The following HDHD5 variants were observed in gnomAD, a reference collection of about 807,000 sequenced individuals.
HDHD5 encodes haloacid dehalogenase like hydrolase domain containing 5.
HDHD5 carries 34 observed loss-of-function variants against 35.5 expected under a neutral mutation model. The ratio of observed to expected loss-of-function variants is 0.96; its 90% CI spans 0.73 to 1.28. The LOEUF is 1.28. Ranked by LOEUF, HDHD5 falls within the 50% of genes most tolerant of loss-of-function variation. The probability of loss-of-function intolerance (pLI) is 0.00; values close to 1 mark genes in which losing one functional copy is unlikely to be tolerated. For missense variants in HDHD5, 589 were observed against 560.2 expected, an observed-to-expected ratio of 1.05 and a Z score of -0.52; for synonymous variants, 248 against 240.6, an observed-to-expected ratio of 1.03 and a Z score of -0.29.
chr22:17,159,177 C>G lies in HDHD5; in HGVS notation c.75G>C (p.Ala25=). 8.2e-7 allele frequency: 1 copy of G among 1,214,816 alleles called. No homozygotes were observed. Among genetic ancestry groups the G allele is most frequent in the Non-Finnish European group, 1.0e-6 (1 of 975,792 alleles). 75.3% of individuals were successfully genotyped at this position (1,214,816 alleles called of 1,614,324 possible). ...GLCWRAARAA[A]GLQGRPARRC... is the part of the protein sequence containing the mutation. ...TGCGGGCGGGGCGGCCCTGGAGCCCCGCAGCCGCGCGCGCCGCCCGCCAGC... is the reference window on the plus strand; with the variant it reads ...TGCGGGCGGGGCGGCCCTGGAGCCCGGCAGCCGCGCGCGCCGCCCGCCAGC... Residue 25 remains alanine, a synonymous_variant, in exon 1 of 8, where the codon GCG becomes GCC. Coordinates refer to ENST00000336737, the MANE Select transcript of HDHD5 (RefSeq NM_033070.3).
intron 1 of HDHD5, among the ~76,000 whole-genome samples, chr22:17,153,141 C>T (rs543217131): frequency 6.6e-6 from 1 of 152,334 alleles, no homozygotes; most frequent in East Asian, 1.9e-4. Context: ...GTCCCAAGCA[C>T]TCAGCCAGAC....
upstream of HDHD5, among the ~76,000 whole-genome samples, chr22:17,160,083 G>T (rs1431249544): frequency 1.1e-4 from 16 of 152,202 alleles, no homozygotes; most frequent in Middle Eastern, 3.2e-3. Flanking sequence ...CATTCCCACC[G>T]TTTGAAATGT....
At chr22:17,149,934 T>A (rs2061707982) in intron 1 of HDHD5, among the ~76,000 whole-genome samples, 189 bp from the exon 2 acceptor site, 1 of 152,140 alleles carries the variant, frequency 6.6e-6, no homozygotes, top group South Asian at 2.1e-4. Flanking sequence ...AAAGAAAATA[T>A]AATCCCAACA....
rs190413708 is a variant in HDHD5 at position 17,143,123 on chromosome 22, C to T, written c.546G>A (p.Pro182=). Residue 182 remains proline, a synonymous_variant, in exon 5 of 8, where the codon CCG becomes CCA. Transcript: ENST00000336737. ...LERRLKTTPL[P]RNDFPRIEGV... ...CTTCAATGCGGGGGAAGTCATTCCT[C>T]GGGAGGGGCTGCAGAGAGACAAAGG... 8 of 1,609,200 alleles carry T rather than the reference C, an allele frequency of 5.0e-6. No individual in the cohort carries two copies. The highest frequency in any genetic ancestry group is 1.7e-5 in the Admixed American group (1 of 59,078).
rs766181538 is a variant in HDHD5 at position 17,149,658 on chromosome 22, G to C, written c.214C>G (p.Arg72Gly). Residue 72 changes from arginine to glycine, a missense_variant, in exon 2 of 8, where the codon CGA (arginine) becomes GGA (glycine). Arg to Gly is a moderately radical substitution (Grantham distance 125, BLOSUM62 -2). Coordinates refer to ENST00000336737, the MANE Select transcript of HDHD5 (RefSeq NM_033070.3). Reference protein sequence around the residue: ...RVIPAALKAFRRLVNSQGQLR... With the variant: ...RVIPAALKAFGRLVNSQGQLR... ...TGCCCCTGGGAGTTCACCAGCCTTC[G>C]GAAGGCTTTCAGAGCAGCAGGGATC... 1 of 1,613,708 alleles carries C rather than the reference G, an allele frequency of 6.2e-7. No individual in the cohort carries two copies. The highest frequency in any genetic ancestry group is 1.3e-5 in the African/African-American group (1 of 74,918).
intron 6 of HDHD5, 45 bp from the exon 7 acceptor site, chr22:17,138,783 G>A (rs745710664): frequency 1.2e-6 from 2 of 1,608,154 alleles, no homozygotes; most frequent in South Asian, 2.2e-5. Context: ...CTGATCTCCA[G>A]GCTCTTCTAG....
upstream of HDHD5, among the ~76,000 whole-genome samples, chr22:17,161,109 C>T (rs1302781877): frequency 2.0e-5 from 3 of 151,044 alleles, no homozygotes; most frequent in African/African-American, 7.3e-5. Context: ...CAAAAATTAG[C>T]TCGTCATGCA....
chr22:17,160,941 G>GT (rs34347930), upstream of HDHD5, among the ~76,000 whole-genome samples: 5 of 151,338 alleles, frequency 3.3e-5, no homozygotes, highest in Admixed American at 1.3e-4. Flanking sequence ...CATGCCCACA[G>GT]TTTTTTTTGA....
intron 6 of HDHD5, among the ~76,000 whole-genome samples, chr22:17,139,286 G>C (rs1238459032): frequency 6.6e-6 from 1 of 152,180 alleles, no homozygotes; most frequent in Admixed American, 6.5e-5. Context: ...TTAGCACTTT[G>C]GGAGGCCAAG....
chr22:17,140,574 G>A (rs1467224653), intron 6 of HDHD5, among the ~76,000 whole-genome samples: 1 of 152,060 alleles, frequency 6.6e-6, no homozygotes, highest in Non-Finnish European at 1.5e-5. Flanking sequence ...GAGAGAGTGA[G>A]ACACTGTCCC....
At chr22:17,149,430 T>G in intron 2 of HDHD5, 112 bp downstream of exon 2, 1 of 968,138 alleles carries the variant, frequency 1.0e-6, no homozygotes, top group Non-Finnish European at 1.6e-6. Context: ...GGCCATGACC[T>G]AGGACTAGGT....
chr22:17,152,101 T>C (rs2061733300), intron 1 of HDHD5, among the ~76,000 whole-genome samples: 1 of 152,052 alleles, frequency 6.6e-6, no homozygotes, highest in Non-Finnish European at 1.5e-5. Context: ...ACAGGGAGCC[T>C]TGCACTAAGA....
intron 1 of HDHD5, among the ~76,000 whole-genome samples, chr22:17,157,409 G>T (rs867008179): frequency 8.6e-5 from 13 of 151,944 alleles, no homozygotes; most frequent in South Asian, 2.1e-4. Flanking sequence ...GGGATTACAA[G>T]TAATAGATCC....
At chr22:17,144,916 G>C (rs1256599096) in intron 4 of HDHD5, 108 bp downstream of exon 4, 2 of 1,343,908 alleles carry the variant, frequency 1.5e-6, no homozygotes, top group Non-Finnish European at 2.1e-6. Context: ...AAGAAGCATG[G>C]ACAAATCACA....
intron 1 of HDHD5, 142 bp downstream of exon 1, chr22:17,158,984 G>A: frequency 1.3e-6 from 1 of 745,154 alleles, no homozygotes; most frequent in Non-Finnish European, 1.8e-6. Context: ...GCAAGAACGC[G>A]ATGCACTCGG....
At chr22:17,138,439 A>G in intron 7 of HDHD5, 82 bp from the exon 8 acceptor site, 1 of 1,553,282 alleles carries the variant, frequency 6.4e-7, no homozygotes. Context: ...AGCAGAGAAG[A>G]GTTTCGGGGC....
In HDHD5 at chr22:17,148,599, C is replaced by A. The variant is rs769736439; in HGVS notation, c.331-39G>T. The A allele has an allele frequency of 1.1e-5, 16 of 1,465,832 alleles. No homozygotes were observed. In the African/African-American group the frequency reaches 1.9e-4, roughly 18 times the overall value. The allele number at this position is 1,465,832 out of a possible 1,614,324, so 90.8% of individuals were successfully genotyped here. Reference sequence around the variant, plus strand: ...CAAGACAGGGGAGGGCAGAGGAAGACAGAACTGTTGAGGGAAATAATGAGA... The same window carrying A: ...CAAGACAGGGGAGGGCAGAGGAAGAAAGAACTGTTGAGGGAAATAATGAGA... On this transcript the variant is annotated intron_variant, in intron 2 of 7. Coordinates refer to ENST00000336737, the MANE Select transcript of HDHD5 (RefSeq NM_033070.3).
chr22:17,141,171 G>A lies in HDHD5; in HGVS notation c.634C>T (p.Leu212Phe), dbSNP rs757532322. The change falls in exon 6 of 8, where the codon CTC (leucine) becomes TTC (phenylalanine). Residue 212 changes from leucine to phenylalanine, a missense_variant. Leu to Phe is a conservative substitution (Grantham distance 22). Coordinates refer to ENST00000336737, the MANE Select transcript of HDHD5 (RefSeq NM_033070.3). ...ETSLQLIMDV[L>F]LSNGSPGAGL... ...GCCCCAGGGCTCCCATTGCTGAGGA[G>A]GACATCCATGATCAGCTGCAGGCTG... 6.3e-7 allele frequency: 1 copy of A among 1,597,284 alleles called. No individual in the cohort carries two copies. Among genetic ancestry groups the A allele is most frequent in the Non-Finnish European group, 8.5e-7 (1 of 1,172,692 alleles).
At chr22:17,161,830 A>G (rs1420416729), upstream of HDHD5, among the ~76,000 whole-genome samples, 2 of 149,922 alleles carry the variant, frequency 1.3e-5, no homozygotes, top group Non-Finnish European at 3.0e-5. Flanking sequence ...GTGAGCCAAG[A>G]TTGTGCCACT....
Sources: allele counts gnomAD v4.1 joint callset (sites outside exome capture counted in the v4.1 genomes callset), GRCh38; gene constraint gnomAD v4.1.1; transcripts MANE v1.5; gene names NCBI Gene and HGNC (gene_info 2026-07-23, HGNC 2026-07-21).